Variants in EYA1 observed in about 807,000 individuals in gnomAD.
EYA1 encodes protein phosphatase EYA1.
A neutral mutation model predicts 82.0 loss-of-function variants in EYA1; 16 were observed. The ratio of observed to expected loss-of-function variants is 0.20; its 90% CI spans 0.13 to 0.30. The LOEUF (loss-of-function observed/expected upper bound fraction) is 0.30, where lower values mean the gene tolerates loss of function less well. EYA1 is among the 10% of genes least tolerant of loss of function. The probability of loss-of-function intolerance (pLI) is 1.00; values close to 1 mark genes in which losing one functional copy is unlikely to be tolerated. For missense variants in EYA1, 633 were observed against 730.7 expected (o/e 0.87, Z 1.54); for synonymous variants, 261 against 264.4 (o/e 0.99, Z 0.12).
intron 2 of EYA1, among the ~76,000 whole-genome samples, chr8:71,459,377 A>G (rs901397555): frequency 3.9e-5 from 6 of 152,272 alleles, no homozygotes; most frequent in Admixed American, 1.3e-4. Context: ...GGATTTCAAA[A>G]CACCTCCAGC....
intron 12 of EYA1, among the ~76,000 whole-genome samples, chr8:71,229,066 T>C (rs1352589875): frequency 1.3e-5 from 2 of 152,170 alleles, no homozygotes; most frequent in African/African-American, 4.8e-5. Flanking sequence ...TTGGAAACAC[T>C]TAATATATTT....
At chr8:71,533,881 C>G (rs910003386) in intron 2 of EYA1, among the ~76,000 whole-genome samples, 2 of 152,176 alleles carry the variant, frequency 1.3e-5, no homozygotes, top group Admixed American at 1.3e-4. Context: ...AGCCAAATAC[C>G]TTTCAAGACT....
chr8:71,371,797 T>C (rs1828096658), intron 2 of EYA1, among the ~76,000 whole-genome samples: 1 of 152,112 alleles, frequency 6.6e-6, no homozygotes. Flanking sequence ...ATTATTTTTT[T>C]CTTTTAAAGG....
chr8:71,253,267 C>G (rs904631101), intron 11 of EYA1, among the ~76,000 whole-genome samples: 1 of 152,002 alleles, frequency 6.6e-6, no homozygotes, highest in East Asian at 1.9e-4. Flanking sequence ...GTATCAAGTA[C>G]CTGGTATTCT....
intron 11 of EYA1, among the ~76,000 whole-genome samples, chr8:71,253,361 T>A (rs1813982889): frequency 1.3e-5 from 2 of 152,010 alleles, no homozygotes; most frequent in Non-Finnish European, 2.9e-5. Context: ...GGGGTATTAT[T>A]TAAAAAATAA....
chr8:71,334,018 T>C (rs1474023065), intron 4 of EYA1, 79 bp downstream of exon 4: 1 of 941,662 alleles, frequency 1.1e-6, no homozygotes, highest in Non-Finnish European at 1.8e-6. Flanking sequence ...TGTATACATA[T>C]ACATACACAG....
chr8:71,379,973 G>A (rs1360285385), intron 2 of EYA1, among the ~76,000 whole-genome samples: 1 of 152,148 alleles, frequency 6.6e-6, no homozygotes, highest in Non-Finnish European at 1.5e-5. Context: ...TCTTGAGATG[G>A]CTGTCTTGAC....
chr8:71,340,661 CT>C (rs1312446414), intron 3 of EYA1, among the ~76,000 whole-genome samples: 12 of 152,044 alleles, frequency 7.9e-5, no homozygotes, highest in African/African-American at 2.9e-4. Flanking sequence ...TTTGTGACTC[CT>C]TTAGAATATA....
chr8:71,532,113 G>A (rs1193444685), intron 2 of EYA1, among the ~76,000 whole-genome samples: 2 of 152,124 alleles, frequency 1.3e-5, no homozygotes, highest in Admixed American at 6.5e-5. Flanking sequence ...GTGTTCATAC[G>A]ATTAGCTATT....
intron 2 of EYA1, among the ~76,000 whole-genome samples, chr8:71,453,891 T>C (rs555583095): frequency 1.3e-5 from 2 of 152,270 alleles, no homozygotes; most frequent in South Asian, 4.1e-4. Flanking sequence ...GCTAACATCA[T>C]AATGACAGGA....
intron 11 of EYA1, among the ~76,000 whole-genome samples, chr8:71,252,939 T>C (rs1459756767): frequency 6.6e-6 from 1 of 152,112 alleles, no homozygotes; most frequent in Non-Finnish European, 1.5e-5. Flanking sequence ...GGGGAATAGG[T>C]CTTGGCAACA....
At chr8:71,526,503 T>C (rs1161388835) in intron 2 of EYA1, among the ~76,000 whole-genome samples, 1 of 152,170 alleles carries the variant, frequency 6.6e-6, no homozygotes, top group Non-Finnish European at 1.5e-5. Flanking sequence ...GCTCAGGGTC[T>C]CATGAGAACA....
intron 2 of EYA1, among the ~76,000 whole-genome samples, chr8:71,411,879 G>A (rs920151715): frequency 6.7e-6 from 1 of 149,512 alleles, no homozygotes; most frequent in Admixed American, 6.7e-5. Flanking sequence ...CCATTACTGG[G>A]TATATACCCA....
chr8:71,239,132 T>G (rs1184901809), intron 12 of EYA1, among the ~76,000 whole-genome samples: 2 of 152,212 alleles, frequency 1.3e-5, no homozygotes, highest in African/African-American at 2.4e-5. Context: ...CAATAAAAAT[T>G]ATTCATTAGT....
Position 71,420,918 on chromosome 8 carries a change from A to G in EYA1, c.34-64407T>C, listed in dbSNP as rs190636799. ...GCAGGTTTGTGGGTTTTTTCCTACC[A>G]TTAACATGGCAATTAAAAACACTTA... On this transcript the variant is annotated intron_variant, in intron 2 of 18. Coordinates refer to the EYA1 transcript ENST00000643681. Among the ~76,000 whole-genome samples, 475 of 152,340 alleles carry G rather than the reference A, an allele frequency of 3.1e-3. 1 individual carries two copies. Among genetic ancestry groups the G allele is most frequent in the Admixed American group, 5.2e-3 (79 of 15,294 alleles).
At chr8:71,293,260 G>A (rs1208875463) in intron 9 of EYA1, among the ~76,000 whole-genome samples, 1 of 151,952 alleles carries the variant, frequency 6.6e-6, no homozygotes, top group Non-Finnish European at 1.5e-5. Flanking sequence ...ATATGAATAG[G>A]TCTGTACCTA....
At chr8:71,240,539 G>C (rs1453626910) in intron 12 of EYA1, among the ~76,000 whole-genome samples, 1 of 152,132 alleles carries the variant, frequency 6.6e-6, no homozygotes, top group African/African-American at 2.4e-5. Context: ...CGAGAGGAGG[G>C]TTCCCACTCT....
At chr8:71,538,555 G>C (rs533294758) in intron 1 of EYA1, among the ~76,000 whole-genome samples, 1 of 152,116 alleles carries the variant, frequency 6.6e-6, no homozygotes, top group Non-Finnish European at 1.5e-5. Flanking sequence ...AGCAAAACTG[G>C]TGACTTGATG....
intron 11 of EYA1, among the ~76,000 whole-genome samples, chr8:71,268,468 C>T (rs1754210728): frequency 6.6e-6 from 1 of 152,174 alleles, no homozygotes; most frequent in Non-Finnish European, 1.5e-5. Flanking sequence ...AGAAATAATA[C>T]AAGAAAAAGC....
Sources: gnomAD v4.1 joint callset for allele counts (sites outside exome capture counted in the v4.1 genomes callset) on GRCh38, gnomAD v4.1.1 for gene constraint, MANE v1.5 for transcripts, NCBI Gene and HGNC (gene_info 2026-07-23, HGNC 2026-07-21) for gene names.